Variants in GALNTL6 observed in about 807,000 individuals in gnomAD.
The protein encoded by GALNTL6 is polypeptide N-acetylgalactosaminyltransferase-like 6.
A neutral mutation model predicts 73.7 loss-of-function variants in GALNTL6; 46 were observed. The ratio of observed to expected loss-of-function variants is 0.62; its 90% CI spans 0.49 to 0.80. The LOEUF (loss-of-function observed/expected upper bound fraction) is 0.80, where lower values mean the gene tolerates loss of function less well. GALNTL6 is among the 30% of genes least tolerant of loss of function. The pLI is 0.00. For synonymous variants in GALNTL6, 259 were observed against 263.7 expected (o/e 0.98, Z 0.17); for missense variants, 604 against 755.0 (o/e 0.80, Z 2.34).
chr4:172,455,137 A>T (rs1480902677), intron 5 of GALNTL6, among the ~76,000 whole-genome samples: 1 of 152,216 alleles, frequency 6.6e-6, no homozygotes, highest in Non-Finnish European at 1.5e-5. Flanking sequence ...AGCCAAGGGA[A>T]GCCATGAGGG....
At chr4:171,854,342 T>C (rs1009902986) in intron 2 of GALNTL6, among the ~76,000 whole-genome samples, 10 of 152,126 alleles carry the variant, frequency 6.6e-5, no homozygotes, top group Non-Finnish European at 1.3e-4. Context: ...CTCAAGGGGA[T>C]ATAAGAATCA....
chr4:171,944,419 A>T (rs1738641961), intron 2 of GALNTL6, among the ~76,000 whole-genome samples: 1 of 152,038 alleles, frequency 6.6e-6, no homozygotes, highest in Non-Finnish European at 1.5e-5. Flanking sequence ...TGAGATTAAT[A>T]TCAGGTTTAC....
intron 5 of GALNTL6, among the ~76,000 whole-genome samples, chr4:172,462,222 C>G (rs1169686823): frequency 1.3e-5 from 2 of 152,124 alleles, no homozygotes; most frequent in African/African-American, 2.4e-5. Context: ...TTTTTGGCCT[C>G]CATATCCATG....
At chr4:172,469,749 C>A (rs1216910530) in intron 5 of GALNTL6, among the ~76,000 whole-genome samples, 1 of 152,142 alleles carries the variant, frequency 6.6e-6, no homozygotes, top group East Asian at 1.9e-4. Context: ...ATTGGTGGAT[C>A]TATAATGTTT....
chr4:172,959,117 G>C (rs1749910061), intron 10 of GALNTL6, among the ~76,000 whole-genome samples: 1 of 152,132 alleles, frequency 6.6e-6, no homozygotes, highest in South Asian at 2.1e-4. Flanking sequence ...TGGGATATTG[G>C]CATTGAGTGG....
At chr4:172,977,893 GC>G (rs1409865251) in intron 10 of GALNTL6, among the ~76,000 whole-genome samples, 1 of 152,210 alleles carries the variant, frequency 6.6e-6, no homozygotes, top group Admixed American at 6.5e-5. Flanking sequence ...AGGCTGGAGT[GC>G]AATGGCGTGA....
At chr4:172,417,071 T>C (rs1218953467) in intron 5 of GALNTL6, among the ~76,000 whole-genome samples, 1 of 152,148 alleles carries the variant, frequency 6.6e-6, no homozygotes, top group Admixed American at 6.6e-5. Flanking sequence ...CCGACTTTTC[T>C]CATAATTGGC....
rs1321314790 is a variant in GALNTL6 at position 172,178,812 on chromosome 4, C to G, written c.139-50844C>G. Among the ~76,000 whole-genome samples the G allele has an allele frequency of 5.5e-4, 57 of 104,160 alleles. 1 individual carries two copies. The highest frequency in any genetic ancestry group is 2.1e-3 in the African/African-American group (54 of 26,006). The allele number at this position is 104,160 out of a possible 152,430, so 68.3% of individuals were successfully genotyped here. ...CAATGCTATCCCTCCCCCCTCCCCC[C>G]ACCCCACAACAGTCCCCAGAGTGTG... On this transcript the variant is annotated intron_variant, in intron 2 of 12. Transcript: ENST00000506823.
intron 2 of GALNTL6, among the ~76,000 whole-genome samples, chr4:171,862,718 AG>A (rs967280870): frequency 1.8e-4 from 28 of 152,122 alleles, no homozygotes; most frequent in Non-Finnish European, 2.9e-4. Context: ...GACTTTAGTA[AG>A]ACTGAATATT....
intron 10 of GALNTL6, among the ~76,000 whole-genome samples, chr4:172,966,400 T>C (rs1750326444): frequency 7.8e-6 from 1 of 127,862 alleles, no homozygotes; most frequent in Non-Finnish European, 1.6e-5. Context: ...GGAGTCGATC[T>C]TTTTTTTTTT....
At chr4:172,160,919 CACACACTCACACACAT>C (rs1481962861) in intron 2 of GALNTL6, among the ~76,000 whole-genome samples, 1 of 148,804 alleles carries the variant, frequency 6.7e-6, no homozygotes, top group Non-Finnish European at 1.5e-5. Context: ...CATACACACA[CACACACTCACACACAT>C]ACACATGTAT....
chr4:172,555,807 T>C (rs901015555), intron 5 of GALNTL6, among the ~76,000 whole-genome samples: 2 of 152,128 alleles, frequency 1.3e-5, no homozygotes, highest in East Asian at 3.8e-4. Context: ...TAACTCTTTC[T>C]ACATTAGTGT....
intron 2 of GALNTL6, among the ~76,000 whole-genome samples, chr4:172,061,711 A>G (rs988931436): frequency 2.6e-5 from 4 of 151,854 alleles, no homozygotes; most frequent in Middle Eastern, 3.2e-3. Context: ...TAATTTTTGT[A>G]ATAAATAAGC....
At chr4:171,896,932 G>A (rs1315805778) in intron 2 of GALNTL6, among the ~76,000 whole-genome samples, 5 of 151,614 alleles carry the variant, frequency 3.3e-5, no homozygotes, top group Non-Finnish European at 7.4e-5. Flanking sequence ...GCCAAGGAAG[G>A]AAAAACAAAA....
chr4:171,952,718 T>C (rs1738921212), intron 2 of GALNTL6, among the ~76,000 whole-genome samples: 1 of 152,112 alleles, frequency 6.6e-6, no homozygotes, highest in South Asian at 2.1e-4. Context: ...AGAGCTACAC[T>C]AAATCTATGG....
intron 4 of GALNTL6, among the ~76,000 whole-genome samples, chr4:172,332,706 A>T (rs1480200310): frequency 6.6e-6 from 1 of 152,118 alleles, no homozygotes; most frequent in Non-Finnish European, 1.5e-5. Context: ...TCATCTGTTC[A>T]TGAACACTTT....
At chr4:172,865,747 CTT>C (rs1244498298) in intron 7 of GALNTL6, among the ~76,000 whole-genome samples, 1 of 152,118 alleles carries the variant, frequency 6.6e-6, no homozygotes, top group Non-Finnish European at 1.5e-5. Context: ...CTGTCTCTCT[CTT>C]CTCTCCCTCA....
Position 172,336,279 on chromosome 4 carries a change from T to G in GALNTL6, c.387-12244T>G, listed in dbSNP as rs201643329. ...TTCTTGGTATAGTTTTGTTTTGTTTTTTTTTTTTTTTGACTGAGTCTCACT... is the reference window on the plus strand; with the variant it reads ...TTCTTGGTATAGTTTTGTTTTGTTTGTTTTTTTTTTTGACTGAGTCTCACT... On this transcript the variant is annotated intron_variant, in intron 4 of 12. Coordinates refer to ENST00000506823, the MANE Select transcript of GALNTL6 (RefSeq NM_001034845.3). Among the ~76,000 whole-genome samples the G allele has an allele frequency of 8.2e-4, 113 of 137,582 alleles. 4 individuals carry two copies. In the South Asian group the frequency reaches 0.018, roughly 21 times the overall value. 90.3% of individuals were successfully genotyped at this position (137,582 alleles called of 152,430 possible).
At chr4:172,760,704 G>T (rs1306045212) in intron 5 of GALNTL6, among the ~76,000 whole-genome samples, 1 of 152,132 alleles carries the variant, frequency 6.6e-6, no homozygotes, top group Non-Finnish European at 1.5e-5. Flanking sequence ...CCTTCAGCCA[G>T]CTGCACTCAC....
Sources: gnomAD v4.1 joint callset for allele counts (sites outside exome capture counted in the v4.1 genomes callset) on GRCh38, gnomAD v4.1.1 for gene constraint, MANE v1.5 for transcripts, NCBI Gene and HGNC (gene_info 2026-07-23, HGNC 2026-07-21) for gene names.